The following IQCK variants were observed in gnomAD, a reference collection of about 807,000 sequenced individuals.
IQCK encodes IQ domain-containing protein K.
Under a neutral mutation model 28.1 loss-of-function variants are expected in IQCK, and 29 were observed. The ratio of observed to expected loss-of-function variants is 1.03; its 90% CI spans 0.77 to 1.41. The LOEUF is 1.41. Among genes scored for constraint, IQCK ranks in the 40% most tolerant of loss-of-function variants. The probability of loss-of-function intolerance (pLI) is 0.00; values close to 1 mark genes in which losing one functional copy is unlikely to be tolerated. For synonymous variants in IQCK, 113 were observed against 115.1 expected (o/e 0.98, Z 0.12); for missense variants, 359 against 314.7 (o/e 1.14, Z -1.07).
intron 6 of IQCK, among the ~76,000 whole-genome samples, chr16:19,770,233 C>G (rs904498186): frequency 1.3e-5 from 2 of 152,186 alleles, no homozygotes; most frequent in Non-Finnish European, 2.9e-5. Flanking sequence ...GGCACTTACT[C>G]TAAGTCATGT....
chr16:19,730,470 A>G (rs1170928087), exon 2 of IQCK: 1 of 1,608,860 alleles, frequency 6.2e-7, no homozygotes, highest in Non-Finnish European at 8.5e-7. Context: ...AAGGATATAA[A>G]GTCAAACAGG....
intron 9 of IQCK, among the ~76,000 whole-genome samples, chr16:19,850,791 G>A (rs965376193): frequency 5.9e-5 from 9 of 152,154 alleles, no homozygotes; most frequent in Non-Finnish European, 7.4e-5. Context: ...GAGGCAGGAG[G>A]ACTGCTTGAG....
In IQCK at chr16:19,851,955, A is replaced by C. The variant is rs900732804; in HGVS notation, c.803-4532A>C. Among the ~76,000 whole-genome samples, 4 of 152,078 alleles carry C rather than the reference A, an allele frequency of 2.6e-5. No individual in the cohort carries two copies. The East Asian group carries it at 7.7e-4, about 29-fold the overall frequency. On this transcript the variant is annotated intron_variant, in intron 9 of 9. Transcript: ENST00000320394. Reference sequence around the variant, plus strand: ...GGAGGAGGAAGACCACCAAGTCGAGATTTTATCTCTTGCTTAATTTTTAGC... The same window carrying C: ...GGAGGAGGAAGACCACCAAGTCGAGCTTTTATCTCTTGCTTAATTTTTAGC...
intron 1 of IQCK, among the ~76,000 whole-genome samples, chr16:19,722,831 C>T (rs931307625): frequency 1.3e-5 from 2 of 152,126 alleles, no homozygotes; most frequent in Admixed American, 6.5e-5. Context: ...ATTCCCCCAC[C>T]TCAGCCTCCT....
chr16:19,820,460 T>C (rs955682743), intron 7 of IQCK, among the ~76,000 whole-genome samples: 7 of 151,984 alleles, frequency 4.6e-5, no homozygotes, highest in African/African-American at 9.7e-5. Context: ...CCATCCTGGC[T>C]AACATGGTGA....
intron 4 of IQCK, among the ~76,000 whole-genome samples, chr16:19,757,603 G>T (rs1179258590): frequency 6.6e-6 from 1 of 152,220 alleles, no homozygotes; most frequent in East Asian, 1.9e-4. Context: ...CCAGGTGGTG[G>T]AGGTTGCAGT....
chr16:19,824,515 C>T (rs909261256), intron 7 of IQCK, among the ~76,000 whole-genome samples: 17 of 152,268 alleles, frequency 1.1e-4, no homozygotes, highest in African/African-American at 3.1e-4. Context: ...TGGGTACCTC[C>T]GAAATAAGGG....
At chr16:19,842,551 A>ACGG (rs2056373586) in intron 9 of IQCK, among the ~76,000 whole-genome samples, 2 of 152,200 alleles carry the variant, frequency 1.3e-5, no homozygotes, top group African/African-American at 4.8e-5. Context: ...AAAATCCATT[A>ACGG]AATCCTTTTC....
exon 1 of IQCK, chr16:19,718,400 G>C: frequency 1.2e-6 from 2 of 1,606,122 alleles, no homozygotes; most frequent in Non-Finnish European, 1.7e-6. Context: ...GGTGCCCACC[G>C]TGTCTCTCGC....
At chr16:19,841,673 G>A (rs1041222323) in intron 9 of IQCK, among the ~76,000 whole-genome samples, 4 of 152,126 alleles carry the variant, frequency 2.6e-5, no homozygotes, top group Non-Finnish European at 5.9e-5. Context: ...ATGTGACCTT[G>A]AACAAGTTAC....
chr16:19,786,089 G>T (rs1240580149), intron 6 of IQCK, among the ~76,000 whole-genome samples: 4 of 152,148 alleles, frequency 2.6e-5, no homozygotes, highest in African/African-American at 4.8e-5. Flanking sequence ...TCATTCCCAT[G>T]AATTCACTGC....
chr16:19,847,413 C>A (rs2056426249), intron 9 of IQCK, among the ~76,000 whole-genome samples: 2 of 152,210 alleles, frequency 1.3e-5, no homozygotes, highest in Non-Finnish European at 1.5e-5. Context: ...GTGCATGAAT[C>A]CAACCCAACC....
chr16:19,783,489 CCTT>C (rs2055520253), intron 6 of IQCK, among the ~76,000 whole-genome samples: 1 of 152,132 alleles, frequency 6.6e-6, no homozygotes. Context: ...TCAGCTGTCT[CCTT>C]CTGTGATTGA....
intron 6 of IQCK, among the ~76,000 whole-genome samples, chr16:19,772,909 G>A (rs1409804430): frequency 2.0e-5 from 3 of 152,054 alleles, no homozygotes; most frequent in African/African-American, 7.2e-5. Context: ...AGGCTGAGGC[G>A]GCAGTATCAC....
chr16:19,807,621 A>G (rs1396524217), intron 7 of IQCK, among the ~76,000 whole-genome samples: 1 of 152,182 alleles, frequency 6.6e-6, no homozygotes, highest in Non-Finnish European at 1.5e-5. Context: ...GAGTCTTTGC[A>G]TGCTGAAGTT....
chr16:19,720,743 A>T (rs1235822742), intron 1 of IQCK, among the ~76,000 whole-genome samples: 1 of 152,186 alleles, frequency 6.6e-6, no homozygotes, highest in African/African-American at 2.4e-5. Context: ...GAGGTCAGGC[A>T]TGGTGGCTCA....
intron 3 of IQCK, among the ~76,000 whole-genome samples, chr16:19,734,779 T>TAA (rs1977958064): frequency 1.5e-5 from 2 of 135,862 alleles, no homozygotes; most frequent in Admixed American, 7.4e-5. Flanking sequence ...AGACTCTGTC[T>TAA]CAAAAAAAAA....
intron 7 of IQCK, among the ~76,000 whole-genome samples, chr16:19,826,470 C>T (rs993492181): frequency 3.9e-5 from 6 of 152,206 alleles, no homozygotes; most frequent in South Asian, 4.1e-4. Context: ...CCTCCCCTCC[C>T]GGGTTCAAGC....
intron 4 of IQCK, among the ~76,000 whole-genome samples, chr16:19,749,207 A>C (rs1424284442): frequency 1.5e-4 from 23 of 152,224 alleles, no homozygotes; most frequent in Admixed American, 1.5e-3. Flanking sequence ...AGCTTTCTTA[A>C]AATCAGACTT....
Sources: gnomAD v4.1 joint callset for allele counts (sites outside exome capture counted in the v4.1 genomes callset) on GRCh38, gnomAD v4.1.1 for gene constraint, MANE v1.5 for transcripts, NCBI Gene and HGNC (gene_info 2026-07-23, HGNC 2026-07-21) for gene names.